PLGRKT: variants seen among roughly 807,000 people sequenced by gnomAD.
PLGRKT encodes plasminogen receptor with a C-terminal lysine.
In PLGRKT, 22 loss-of-function variants were observed where a neutral mutation model predicts 18.5. That is an observed-to-expected ratio of 1.19 (90% CI 0.85 to 1.70). The LOEUF is 1.70. Among genes scored for constraint, PLGRKT ranks in the 40% most tolerant of loss-of-function variants. The pLI, the probability that PLGRKT is intolerant of heterozygous loss-of-function variation, is 0.00. For synonymous variants in PLGRKT, 72 were observed against 52.8 expected, an observed-to-expected ratio of 1.36 and a Z score of -1.58; for missense variants, 235 against 174.4, an observed-to-expected ratio of 1.35 and a Z score of -1.96.
Position 5,418,117 on chromosome 9 carries a change from T to C in PLGRKT, c.81+13780A>G, listed in dbSNP as rs1248083548. ...CAGAAATTACAGTCCATTGAATACA[T>C]GATTATGAGGATGCATGCAATCATC... On this transcript the variant is annotated intron_variant, in intron 3 of 5. Coordinates refer to ENST00000223864, the MANE Select transcript of PLGRKT (RefSeq NM_018465.4). The surrounding 1 kb of genome is among the most constrained non-coding windows in gnomAD (Gnocchi z 4.2). Among the ~76,000 whole-genome samples the C allele has an allele frequency of 6.6e-6, 1 of 152,206 alleles. No individual in the cohort carries two copies. Among genetic ancestry groups the C allele is most frequent in the Non-Finnish European group, 1.5e-5 (1 of 68,042 alleles).
intron 3 of PLGRKT, among the ~76,000 whole-genome samples, chr9:5,364,374 G>A (rs969479843): frequency 6.6e-6 from 1 of 152,194 alleles, no homozygotes; most frequent in East Asian, 1.9e-4. Flanking sequence ...AAAAGATTGT[G>A]AGCAGAGGGG....
At chr9:5,403,258 T>C (rs1260034290) in intron 3 of PLGRKT, among the ~76,000 whole-genome samples, 1 of 150,316 alleles carries the variant, frequency 6.7e-6, no homozygotes, top group Admixed American at 6.6e-5. Context: ...AGTTTTGCTC[T>C]TGTTGCCCAA....
chr9:5,407,023 T>C (rs1479172646), intron 3 of PLGRKT, among the ~76,000 whole-genome samples: 1 of 152,210 alleles, frequency 6.6e-6, no homozygotes, highest in Admixed American at 6.5e-5. Context: ...TCACCCATAG[T>C]CCCTCACTTT....
chr9:5,361,043 C>T, intron 5 of PLGRKT, 35 bp downstream of exon 5: 1 of 1,065,396 alleles, frequency 9.4e-7, no homozygotes, highest in South Asian at 1.3e-5. Flanking sequence ...GAAAATAAAT[C>T]AGCAAATAGA....
In PLGRKT at chr9:5,419,821, C is replaced by T. The variant is rs558240810; in HGVS notation, c.81+12076G>A. 3.9e-5 allele frequency among the ~76,000 whole-genome samples: 6 copies of T among 152,230 alleles called. 1 individual carries two copies. The highest frequency in any genetic ancestry group is 3.3e-4 in the Admixed American group (5 of 15,300). ...GGTGGAAAAGAGTTTGGTGGTTCCT[C>T]AATAAGTTAAGCATAAAATTACCAT... is the stretch of plus-strand genomic sequence containing the variant. On this transcript the variant is annotated intron_variant, in intron 3 of 5. Transcript: ENST00000223864.
chr9:5,403,759 T>C (rs1219084130), intron 3 of PLGRKT, among the ~76,000 whole-genome samples: 3 of 152,244 alleles, frequency 2.0e-5, no homozygotes, highest in African/African-American at 7.2e-5. Flanking sequence ...GGTGTGCTTA[T>C]TAATGGTTAC....
At chr9:5,408,502 A>G (rs1163664429) in intron 3 of PLGRKT, among the ~76,000 whole-genome samples, 4 of 152,264 alleles carry the variant, frequency 2.6e-5, no homozygotes, top group African/African-American at 7.2e-5. Flanking sequence ...GGCTGCTTCT[A>G]GCAGCCTAGG....
intron 3 of PLGRKT, among the ~76,000 whole-genome samples, chr9:5,370,807 G>A (rs1173042272): frequency 6.6e-6 from 1 of 152,154 alleles, no homozygotes. Context: ...TTAAAACAAA[G>A]CAGCCATAAT....
At chr9:5,429,733 T>A (rs1241425731) in intron 3 of PLGRKT, among the ~76,000 whole-genome samples, 1 of 152,176 alleles carries the variant, frequency 6.6e-6, no homozygotes, top group Non-Finnish European at 1.5e-5. Context: ...AAGATCACAT[T>A]CTGAAGTACT....
chr9:5,385,048 G>C (rs1045700349), intron 3 of PLGRKT, among the ~76,000 whole-genome samples: 2 of 152,096 alleles, frequency 1.3e-5, no homozygotes, highest in African/African-American at 4.8e-5. Context: ...AGGTGGGTGG[G>C]GCCAGGGGAG....
chr9:5,400,078 C>A (rs943309881), intron 3 of PLGRKT, among the ~76,000 whole-genome samples: 18 of 151,412 alleles, frequency 1.2e-4, no homozygotes, highest in African/African-American at 4.4e-4. Context: ...GTTATATGTG[C>A]AAAAAAAATT....
rs544078186 is a variant in PLGRKT at position 5,424,716 on chromosome 9, G to C, written c.81+7181C>G. On this transcript the variant is annotated intron_variant, in intron 3 of 5. Coordinates refer to ENST00000223864, the MANE Select transcript of PLGRKT (RefSeq NM_018465.4). ...TACACACAGGGGGGGGAGAGAGGGA[G>C]AGACAGAGAGAGAGAGAGAGAAAGA... Among the ~76,000 whole-genome samples, 24 of 130,240 alleles carry C rather than the reference G, an allele frequency of 1.8e-4. No homozygotes were observed. The East Asian group carries it at 5.4e-3, about 29-fold the overall frequency. The allele number at this position is 130,240 out of a possible 152,430, so 85.4% of individuals were successfully genotyped here. A position where few individuals can be genotyped will look rare whatever the true frequency, so the allele number is the denominator to read the frequency against.
intron 3 of PLGRKT, among the ~76,000 whole-genome samples, chr9:5,397,205 G>A (rs1446436453): frequency 6.6e-6 from 1 of 151,880 alleles, no homozygotes; most frequent in African/African-American, 2.4e-5. Context: ...CAACCCATTA[G>A]GAAATGAGCT....
rs1818519641 is a variant in PLGRKT, at chr9:5,418,997, G to A, written c.81+12900C>T. On this transcript the variant is annotated intron_variant, in intron 3 of 5. Transcript: ENST00000223864. The surrounding 1 kb of genome is among the most constrained non-coding windows in gnomAD (Gnocchi z 4.2). ...TCCATGGTGGACCCTGAGCAGGAAG[G>A]GCAAGGCCAAGGGGAAGGGGAGGGA... 1.3e-5 allele frequency: 8 copies of A among 600,476 alleles called. No homozygotes were observed. In the South Asian group the frequency reaches 1.6e-4, roughly 12 times the overall value. 37.2% of individuals were successfully genotyped at this position (600,476 alleles called of 1,614,324 possible).
At chr9:5,437,764 C>A in intron 1 of PLGRKT, 25 bp downstream of exon 1, 1 of 152,406 alleles carries the variant, frequency 6.6e-6, no homozygotes, top group Non-Finnish European at 1.5e-5. Context: ...TTCTCCCCAC[C>A]CGCCTGCGGC....
At chr9:5,433,020 C>G (rs986065667) in intron 2 of PLGRKT, among the ~76,000 whole-genome samples, 62 of 151,744 alleles carry the variant, frequency 4.1e-4, no homozygotes, top group African/African-American at 1.4e-3. Flanking sequence ...AGGAGCGTCT[C>G]TGCCTGGCCG....
intron 3 of PLGRKT, among the ~76,000 whole-genome samples, chr9:5,419,737 C>G (rs143109220): frequency 6.6e-6 from 1 of 151,942 alleles, no homozygotes; most frequent in African/African-American, 2.4e-5. Context: ...GATTTGGTGA[C>G]GACATAAAAA....
At chr9:5,386,378 G>C (rs1817843388) in intron 3 of PLGRKT, among the ~76,000 whole-genome samples, 1 of 151,770 alleles carries the variant, frequency 6.6e-6, no homozygotes, top group African/African-American at 2.4e-5. Context: ...GCCTCCCAGG[G>C]GATATTTGGC....
chr9:5,413,036 A>T (rs1192886922), intron 3 of PLGRKT, among the ~76,000 whole-genome samples: 1 of 152,242 alleles, frequency 6.6e-6, no homozygotes, highest in Non-Finnish European at 1.5e-5. Flanking sequence ...CAAGACTGAG[A>T]TACCACTTCT....
Sources: allele counts gnomAD v4.1 joint callset (sites outside exome capture counted in the v4.1 genomes callset), GRCh38; gene constraint gnomAD v4.1.1; non-coding constraint Gnocchi (gnomAD v3.1); transcripts MANE v1.5; gene names NCBI Gene and HGNC (gene_info 2026-07-23, HGNC 2026-07-21).